RPUSD3: variants seen among roughly 807,000 people sequenced by gnomAD.
RPUSD3 encodes the protein mitochondrial mRNA pseudouridine synthase RPUSD3.
A neutral mutation model predicts 35.1 loss-of-function variants in RPUSD3; 36 were observed. The observed-to-expected ratio is 1.02, with a 90% CI of 0.79 to 1.35. The LOEUF is 1.35. Among genes scored for constraint, RPUSD3 ranks in the 40% most tolerant of loss-of-function variants. The pLI, the probability that RPUSD3 is intolerant of heterozygous loss-of-function variation, is 0.00. For missense variants in RPUSD3, 486 were observed against 441.9 expected (o/e 1.10, Z -0.89); for synonymous variants, 202 against 187.8 (o/e 1.08, Z -0.62).
chr3:9,841,836 C>T (rs1435633507), intron 4 of RPUSD3, 147 bp downstream of exon 4: 4 of 689,200 alleles, frequency 5.8e-6, no homozygotes, highest in South Asian at 1.9e-5. Context: ...CCAGAGCCAT[C>T]GGCTTCCTCT....
At chr3:9,843,394 A>G (rs914520847) in intron 2 of RPUSD3, 71 bp downstream of exon 2, 6 of 1,593,482 alleles carry the variant, frequency 3.8e-6, no homozygotes, top group East Asian at 4.5e-5. Flanking sequence ...CGTGGCTTCA[A>G]TGGAGAGCCC....
At chr3:9,843,634 T>C in intron 1 of RPUSD3, 33 bp from the exon 2 acceptor site, 2 of 1,610,522 alleles carry the variant, frequency 1.2e-6, no homozygotes, top group South Asian at 2.2e-5. Context: ...TGGGAGTCAT[T>C]CCATCCCGAG....
exon 7 of RPUSD3, chr3:9,840,271 G>C: frequency 6.2e-7 from 1 of 1,614,082 alleles, no homozygotes; most frequent in Non-Finnish European, 8.5e-7. Context: ...ACACCTTCCA[G>C]GATGTCCTTT....
chr3:9,843,673 T>C (rs980132146), intron 1 of RPUSD3, 72 bp from the exon 2 acceptor site: 11 of 1,573,850 alleles, frequency 7.0e-6, no homozygotes, highest in Admixed American at 3.7e-5. Context: ...TCCGGACGCC[T>C]CTTCCCAAAT....
chr3:9,840,987 G>A, intron 4 of RPUSD3, 182 bp from the exon 5 acceptor site: 1 of 473,086 alleles, frequency 2.1e-6, no homozygotes, highest in South Asian at 3.3e-5. Flanking sequence ...GTAGCTTAAT[G>A]TGTTTCTCAT....
intron 6 of RPUSD3, 99 bp from the exon 7 acceptor site, chr3:9,840,406 A>C: frequency 6.2e-7 from 1 of 1,609,574 alleles, no homozygotes; most frequent in Non-Finnish European, 8.5e-7. Flanking sequence ...GCCACAGTAT[A>C]GGCAGTGGTC....
At chr3:9,838,410 A>G (rs1043368437) in intron 8 of RPUSD3, among the ~76,000 whole-genome samples, 1 of 152,168 alleles carries the variant, frequency 6.6e-6, no homozygotes, top group Non-Finnish European at 1.5e-5. Flanking sequence ...GGGTCACCCA[A>G]TCAGTTTCCT....
Position 9,838,142 on chromosome 3 carries a change from C to CA in RPUSD3, c.929dup (p.Leu310PhefsTer21). ...GAAGGAGCCGATGTAGGTGGAGGTG[C>CA]AAGGGCAGCTGGGCAGCCTGGGAGG... On this transcript the variant is annotated frameshift_variant, in exon 9 of 9. Coordinates refer to ENST00000383820, the Ensembl canonical transcript of RPUSD3. LOFTEE classifies it high-confidence loss of function. The CA allele has an allele frequency of 6.2e-7, 1 of 1,612,300 alleles. No individual in the cohort carries two copies. Among genetic ancestry groups the CA allele is most frequent in the Non-Finnish European group, 8.5e-7 (1 of 1,179,942 alleles).
intron 8 of RPUSD3, 123 bp from the exon 9 acceptor site, chr3:9,838,330 A>G: frequency 1.1e-6 from 1 of 903,334 alleles, no homozygotes; most frequent in South Asian, 1.6e-5. Context: ...GCAACTGTTA[A>G]TCATTTCCTC....
At chr3:9,843,484 T>C in exon 2 of RPUSD3, 1 of 1,614,010 alleles carries the variant, frequency 6.2e-7, no homozygotes, top group African/African-American at 1.3e-5. Flanking sequence ...CCACCACGGC[T>C]GCCCGCAGCG....
chr3:9,842,410 G>T, intron 2 of RPUSD3, 167 bp from the exon 3 acceptor site: 1 of 695,550 alleles, frequency 1.4e-6, no homozygotes. Context: ...CTGTTCCTCT[G>T]CCACCTCAGA....
At chr3:9,840,118 G>A in intron 7 of RPUSD3, 66 bp downstream of exon 7, 1 of 1,570,136 alleles carries the variant, frequency 6.4e-7, no homozygotes, top group Non-Finnish European at 8.6e-7. Context: ...CTGACCTCGT[G>A]ATCCACCTGC....
At position 9,843,624 on chromosome 3, in the gene RPUSD3, T is replaced by A. The variant is rs751701773; in HGVS notation, c.126-23A>T. 7 of 1,612,428 alleles carry A rather than the reference T, an allele frequency of 4.3e-6. No homozygotes were observed. The African/African-American group carries it at 8.0e-5, about 18-fold the overall frequency. On this transcript the variant is annotated intron_variant, in intron 1 of 8. Coordinates refer to ENST00000383820, the Ensembl canonical transcript of RPUSD3. ...TGCCTGGACAAGGAGGGAGAAGCAA[T>A]GGGAGTCATTCCATCCCGAGGTGCC...
chr3:9,839,048 T>C lies in RPUSD3; in HGVS notation c.848A>G (p.Asn283Ser), dbSNP rs778992830. 44 of 1,614,010 alleles carry C rather than the reference T, an allele frequency of 2.7e-5. No individual in the cohort carries two copies. Among genetic ancestry groups the C allele is most frequent in the East Asian group, 4.5e-5 (2 of 44,900 alleles). Residue 283 changes from asparagine to serine, a missense_variant, in exon 8 of 9, where the codon AAC becomes AGC. Asn to Ser is a conservative substitution (Grantham distance 46). Coordinates refer to ENST00000383820, the Ensembl canonical transcript of RPUSD3. ...CTGGAGTACCTGTCTTTGGGGCTTG[T>C]TGTTCTCAGCTGGCAGCAGAAATCG...
chr3:9,842,229 A>G (rs761444731), exon 3 of RPUSD3: 12 of 1,614,012 alleles, frequency 7.4e-6, no homozygotes, highest in African/African-American at 5.3e-5. Context: ...GGCTTGTTCA[A>G]CGTCACTAGA....
chr3:9,838,002 G>A (rs1559233356), exon 9 of RPUSD3: 3 of 1,549,206 alleles, frequency 1.9e-6, no homozygotes, highest in Non-Finnish European at 1.7e-6. Context: ...AGGGGGTCAG[G>A]AACAGAGGGA....
rs1352630031 is a variant in RPUSD3, at chr3:9,840,428, T to C, written c.600+104A>G. ...TATAGGCAGTGGTCACTTGCCTGTT[T>C]TAGGGGACAGGAGAGCCAGCCATCC... On this transcript the variant is annotated intron_variant, in intron 6 of 8. Coordinates refer to ENST00000383820, the Ensembl canonical transcript of RPUSD3. 3.1e-6 allele frequency: 5 copies of C among 1,600,616 alleles called. No individual in the cohort carries two copies. In the South Asian group the frequency reaches 4.4e-5, roughly 14 times the overall value.
chr3:9,839,026 G>C lies in RPUSD3; in HGVS notation c.864+6C>G. 1 of 1,614,104 alleles carries C rather than the reference G, an allele frequency of 6.2e-7. No homozygotes were observed. The highest frequency in any genetic ancestry group is 8.5e-7 in the Non-Finnish European group (1 of 1,179,990). On this transcript the variant is annotated splice_donor_region_variant and intron_variant, in intron 8 of 8. Coordinates refer to ENST00000383820, the Ensembl canonical transcript of RPUSD3. The stretch of plus-strand genomic sequence containing the variant: ...CAGAAAGCAGCAGGCAGGTGGGCTG[G>C]AGTACCTGTCTTTGGGGCTTGTTGT...
chr3:9,843,252 G>A (rs529599368), intron 2 of RPUSD3: 24 of 638,686 alleles, frequency 3.8e-5, no homozygotes, highest in Non-Finnish European at 5.9e-5. Context: ...AGGCTCGGTA[G>A]TTATTTGCAT....
Sources: gnomAD v4.1 joint callset for allele counts (sites outside exome capture counted in the v4.1 genomes callset) on GRCh38, gnomAD v4.1.1 for gene constraint, MANE v1.5 for transcripts, NCBI Gene and HGNC (gene_info 2026-07-23, HGNC 2026-07-21) for gene names.